ATP1A4: variants seen among roughly 807,000 people sequenced by gnomAD.
The protein encoded by ATP1A4 is sodium/potassium-transporting ATPase subunit alpha-4.
Under a neutral mutation model 114.3 loss-of-function variants are expected in ATP1A4, and 90 were observed. That is an observed-to-expected ratio of 0.79 (90% confidence interval 0.66 to 0.94). ATP1A4 has a LOEUF of 0.94. Ranked by LOEUF, ATP1A4 falls within the 40% of genes least tolerant of loss-of-function variation. The pLI, the probability that ATP1A4 is intolerant of heterozygous loss-of-function variation, is 0.00. For synonymous variants in ATP1A4, 511 were observed against 494.1 expected, an observed-to-expected ratio of 1.03 and a Z score of -0.45; for missense variants, 1,222 against 1,313.6, an observed-to-expected ratio of 0.93 and a Z score of 1.08.
chr1:160,166,425 CA>C, intron 7 of ATP1A4, 102 bp from the exon 8 acceptor site: 2 of 1,432,516 alleles, frequency 1.4e-6, no homozygotes, highest in Non-Finnish European at 1.9e-6. Flanking sequence ...GAAGTAAGTA[CA>C]AAAAATCAAA....
chr1:160,183,777 A>G (rs1417014481), intron 20 of ATP1A4, among the ~76,000 whole-genome samples: 3 of 152,198 alleles, frequency 2.0e-5, no homozygotes, highest in Non-Finnish European at 4.4e-5. Flanking sequence ...CAAAGTCAAA[A>G]ACTAAAGTAA....
chr1:160,155,323 C>A (rs894871221), intron 3 of ATP1A4, 75 bp downstream of exon 3: 3 of 1,276,462 alleles, frequency 2.4e-6, no homozygotes, highest in African/African-American at 2.9e-5. Context: ...AGCAGCCTAG[C>A]ACTCCTGAAG....
intron 2 of ATP1A4, among the ~76,000 whole-genome samples, chr1:160,154,621 A>G (rs1193964949): frequency 6.6e-6 from 1 of 152,126 alleles, no homozygotes; most frequent in Non-Finnish European, 1.5e-5. Context: ...TAAGTTGGAG[A>G]GTCAAAGCGT....
chr1:160,166,347 A>G (rs575570284), intron 7 of ATP1A4, among the ~76,000 whole-genome samples, 181 bp from the exon 8 acceptor site: 46 of 152,366 alleles, frequency 3.0e-4, no homozygotes, highest in African/African-American at 9.1e-4. Flanking sequence ...ACAAACCACA[A>G]TCACTTTCCT....
chr1:160,181,624 A>C, intron 18 of ATP1A4, 60 bp from the exon 19 acceptor site: 1 of 1,576,382 alleles, frequency 6.3e-7, no homozygotes, highest in East Asian at 2.3e-5. Context: ...AGAGGAAAGA[A>C]GCCTTAGGGT....
chr1:160,184,412 C>T (rs1055279220), intron 20 of ATP1A4, among the ~76,000 whole-genome samples: 2 of 151,722 alleles, frequency 1.3e-5, no homozygotes, highest in Non-Finnish European at 2.9e-5. Context: ...CCAGGTGTAG[C>T]GGTGCACACT....
Position 160,151,836 on chromosome 1 carries a change from C to G in ATP1A4, c.-205C>G, listed in dbSNP as rs1652464457. On this transcript the variant is annotated 5_prime_UTR_variant, in exon 1 of 22. Transcript: ENST00000368081. ...GCGGACGGCTGGAGGACCGCTCAGT[C>G]TCTCCTCTCTCACTTCCCTTCCTCT... 1.1e-5 allele frequency: 6 copies of G among 535,542 alleles called. No homozygotes were observed. The highest frequency in any genetic ancestry group is 1.6e-5 in the Non-Finnish European group (5 of 305,998). The allele number at this position is 535,542 out of a possible 1,614,324, so 33.2% of individuals were successfully genotyped here. A position where few individuals can be genotyped will look rare whatever the true frequency, so the allele number is the denominator to read the frequency against.
chr1:160,165,883 G>A (rs1478698350), intron 7 of ATP1A4, among the ~76,000 whole-genome samples: 1 of 152,204 alleles, frequency 6.6e-6, no homozygotes, highest in Non-Finnish European at 1.5e-5. Context: ...AAAAGAGATT[G>A]CTGAATAGAA....
intron 17 of ATP1A4, among the ~76,000 whole-genome samples, chr1:160,177,153 T>G (rs6685734): frequency 0.41 from 61,893 of 152,012 alleles, 14,313 homozygotes; most frequent in African/African-American, 0.64. Context: ...TTGTTCTTGA[T>G]TTTCCAGGTG....
rs749011760 is a variant in ATP1A4 at position 160,151,985 on chromosome 1, A to C, written c.-56A>C. On this transcript the variant is annotated 5_prime_UTR_variant, in exon 1 of 22. Coordinates refer to ENST00000368081, the MANE Select transcript of ATP1A4 (RefSeq NM_144699.4). The stretch of plus-strand genomic sequence containing the variant: ...CGCCCTCTTCCCTTCCCCTTGCCTC[A>C]CTCTCTCAGCTTTCTTCCCACAGTT... The C allele has an allele frequency of 1.9e-6, 3 of 1,567,002 alleles. No homozygotes were observed. The highest frequency in any genetic ancestry group is 1.7e-6 in the Non-Finnish European group (2 of 1,157,970).
At chr1:160,163,862 G>GA (rs1652940872) in intron 6 of ATP1A4, among the ~76,000 whole-genome samples, 1 of 151,924 alleles carries the variant, frequency 6.6e-6, no homozygotes. Flanking sequence ...GGCTATCCAG[G>GA]AACCCACCAA....
chr1:160,174,864 A>AT, intron 15 of ATP1A4, 117 bp downstream of exon 15: 2 of 1,477,686 alleles, frequency 1.4e-6, no homozygotes, highest in Non-Finnish European at 1.8e-6. Flanking sequence ...GTACGGGCTC[A>AT]GAAGAAAATC....
chr1:160,180,742 T>C, intron 18 of ATP1A4, among the ~76,000 whole-genome samples: 1 of 112,528 alleles, frequency 8.9e-6, no homozygotes, highest in South Asian at 3.4e-4. Context: ...TGAGACGGAG[T>C]CTCGCTCTGT....
chr1:160,171,499 G>A, intron 11 of ATP1A4, 59 bp downstream of exon 11: 2 of 1,601,258 alleles, frequency 1.2e-6, no homozygotes, highest in Non-Finnish European at 1.7e-6. Flanking sequence ...ATTATCCCTG[G>A]GGTGAGAAAT....
chr1:160,173,827 G>A (rs1653353035), intron 13 of ATP1A4, 110 bp downstream of exon 13: 3 of 1,378,220 alleles, frequency 2.2e-6, no homozygotes, highest in Non-Finnish European at 3.0e-6. Context: ...TAGGTAGGAT[G>A]TGTGGGGTTT....
At position 160,186,644 on chromosome 1, in the gene ATP1A4, T is replaced by A. The variant is rs759400298; in HGVS notation, c.3062-27T>A. On this transcript the variant is annotated intron_variant, in intron 21 of 21. Coordinates refer to ENST00000368081, the MANE Select transcript of ATP1A4 (RefSeq NM_144699.4). ...GGATGCCTCTAATTCCTTCTCCCAGTTCACGCTGGCCTCTTCTCTTCCACA... is the reference window on the plus strand; with the variant it reads ...GGATGCCTCTAATTCCTTCTCCCAGATCACGCTGGCCTCTTCTCTTCCACA... 2.7e-5 allele frequency: 43 copies of A among 1,606,850 alleles called. No homozygotes were observed. The East Asian group carries it at 8.7e-4, about 33-fold the overall frequency.
chr1:160,174,617 C>T lies in ATP1A4; in HGVS notation c.2181C>T (p.Asp727=). Residue 727 remains aspartate (D), a synonymous_variant, in exon 15 of 22, where the codon GAC becomes GAT. Transcript: ENST00000368081. ...VVAVTGDGVN[D]SPALKKADIG... Reference sequence around the variant, plus strand: ...CCGTGACAGGTGACGGGGTGAACGACTCCCCTGCGCTGAAGAAGGCTGACA... The same window carrying T: ...CCGTGACAGGTGACGGGGTGAACGATTCCCCTGCGCTGAAGAAGGCTGACA... 6.2e-7 allele frequency: 1 copy of T among 1,614,196 alleles called. No homozygotes were observed. The highest frequency in any genetic ancestry group is 8.5e-7 in the Non-Finnish European group (1 of 1,180,020).
At chr1:160,161,201 G>A (rs1468835516) in intron 6 of ATP1A4, among the ~76,000 whole-genome samples, 4 of 152,198 alleles carry the variant, frequency 2.6e-5, no homozygotes, top group Non-Finnish European at 5.9e-5. Context: ...ATTTACCCTA[G>A]ATCAATTTGC....
rs535976807 is a variant in ATP1A4, at chr1:160,181,428, G to A, written c.2737-256G>A. 4.1e-4 allele frequency among the ~76,000 whole-genome samples: 62 copies of A among 152,032 alleles called. 2 individuals carry two copies. Among genetic ancestry groups the A allele is most frequent in the Middle Eastern group, 3.4e-3 (1 of 294 alleles). ...AAATTAGCTGGGTGTGGTGGCAGGCGCCTGTAGTCCCAGCTACTCGGGAGG... is the reference window on the plus strand; with the variant it reads ...AAATTAGCTGGGTGTGGTGGCAGGCACCTGTAGTCCCAGCTACTCGGGAGG... On this transcript the variant is annotated intron_variant, in intron 18 of 21. Transcript: ENST00000368081.
Sources: allele counts gnomAD v4.1 joint callset (sites outside exome capture counted in the v4.1 genomes callset), GRCh38; gene constraint gnomAD v4.1.1; transcripts MANE v1.5; gene names NCBI Gene and HGNC (gene_info 2026-07-23, HGNC 2026-07-21).